The following KSR2 variants were observed in gnomAD, a reference collection of about 807,000 sequenced individuals.
KSR2 encodes kinase suppressor of ras 2.
Under a neutral mutation model 107.8 loss-of-function variants are expected in KSR2, and 25 were observed. That is an observed-to-expected ratio of 0.23 (90% CI 0.17 to 0.32). The LOEUF (loss-of-function observed/expected upper bound fraction) is 0.32, where lower values mean the gene tolerates loss of function less well. KSR2 is among the 10% of genes least tolerant of loss of function. KSR2 has a pLI of 1.00. For missense variants in KSR2, 887 were observed against 1,268.9 expected (o/e 0.70, Z 4.57); for synonymous variants, 480 against 507.0 (o/e 0.95, Z 0.71).
At chr12:117,815,065 G>T (rs187498437) in intron 3 of KSR2, among the ~76,000 whole-genome samples, 2 of 152,230 alleles carry the variant, frequency 1.3e-5, no homozygotes, top group Admixed American at 1.3e-4. Context: ...ACAACAGAAA[G>T]GCTCATTGAA....
At chr12:117,823,683 G>C (rs1891642610) in intron 3 of KSR2, among the ~76,000 whole-genome samples, 1 of 152,208 alleles carries the variant, frequency 6.6e-6, no homozygotes, top group Admixed American at 6.5e-5. Context: ...TGGAAACCAA[G>C]AGAAGATATC....
chr12:117,732,345 A>G (rs948453341), intron 4 of KSR2, among the ~76,000 whole-genome samples: 7 of 151,188 alleles, frequency 4.6e-5, no homozygotes, highest in Non-Finnish European at 8.8e-5. Flanking sequence ...CTGGAGTGCC[A>G]TGGTGCCATC....
intron 3 of KSR2, among the ~76,000 whole-genome samples, chr12:117,799,961 T>C (rs2137016592): frequency 6.6e-6 from 1 of 152,302 alleles, no homozygotes; most frequent in Non-Finnish European, 1.5e-5. Context: ...CTTAGCCCTA[T>C]GAAACGAGGC....
intron 3 of KSR2, among the ~76,000 whole-genome samples, chr12:117,765,744 G>A (rs1176026530): frequency 1.3e-5 from 2 of 152,200 alleles, no homozygotes; most frequent in Non-Finnish European, 2.9e-5. Context: ...GACAAAACAA[G>A]TGTTGGGGGC....
intron 1 of KSR2, among the ~76,000 whole-genome samples, chr12:117,961,936 G>C (rs1896670483): frequency 6.6e-6 from 1 of 152,090 alleles, no homozygotes; most frequent in African/African-American, 2.4e-5. Context: ...CTTGAAGCTA[G>C]GAGTTTAAGA....
intron 1 of KSR2, among the ~76,000 whole-genome samples, chr12:117,911,952 T>G (rs1895030143): frequency 6.6e-6 from 1 of 152,250 alleles, no homozygotes; most frequent in South Asian, 2.1e-4. Flanking sequence ...AGACATCTGA[T>G]GCTATCTCCA....
At chr12:117,481,139 C>T (rs1473715928) in intron 16 of KSR2, among the ~76,000 whole-genome samples, 1 of 152,106 alleles carries the variant, frequency 6.6e-6, no homozygotes, top group Non-Finnish European at 1.5e-5. Flanking sequence ...TCAAAACAGC[C>T]TTATGAGATA....
intron 4 of KSR2, among the ~76,000 whole-genome samples, chr12:117,730,876 T>C (rs1458860829): frequency 6.6e-6 from 1 of 152,156 alleles, no homozygotes; most frequent in Non-Finnish European, 1.5e-5. Flanking sequence ...ACCTCCCAGC[T>C]GCCTGCCTTG....
chr12:117,820,118 T>A (rs1158085674), intron 3 of KSR2, among the ~76,000 whole-genome samples: 1 of 152,186 alleles, frequency 6.6e-6, no homozygotes. Flanking sequence ...CATTTTAATA[T>A]CAAAAAGAGA....
Position 117,901,034 on chromosome 12 carries a change from A to G in KSR2, c.181-40603T>C, listed in dbSNP as rs567809986. Among the ~76,000 whole-genome samples, 15 of 152,296 alleles carry G rather than the reference A, an allele frequency of 9.8e-5. No homozygotes were observed. The East Asian group carries it at 2.9e-3, about 29-fold the overall frequency. On this transcript the variant is annotated intron_variant, in intron 1 of 19. Coordinates refer to ENST00000339824, the MANE Select transcript of KSR2 (RefSeq NM_173598.6). ...AATTTCGGCATCAAGGACTCTTCCA[A>G]AAAAAGTCAGCTTGACATTGGGGAA...
chr12:117,574,499 G>A (rs555128400), intron 7 of KSR2, among the ~76,000 whole-genome samples: 39 of 152,162 alleles, frequency 2.6e-4, no homozygotes, highest in Non-Finnish European at 5.0e-4. Flanking sequence ...CGACAAGAGA[G>A]AATGAAGAAA....
At chr12:117,476,375 C>A in intron 17 of KSR2, 89 bp downstream of exon 17, 2 of 1,456,630 alleles carry the variant, frequency 1.4e-6, no homozygotes, top group Non-Finnish European at 9.1e-7. Flanking sequence ...GACAGGTACA[C>A]CCTGGCCCTT....
intron 5 of KSR2, among the ~76,000 whole-genome samples, chr12:117,586,020 G>A (rs1290260926): frequency 6.6e-6 from 1 of 152,228 alleles, no homozygotes; most frequent in Non-Finnish European, 1.5e-5. Flanking sequence ...TTGCACAGAA[G>A]AGGGAAAAGC....
chr12:117,898,324 C>CT (rs1215932058), intron 1 of KSR2, among the ~76,000 whole-genome samples: 2 of 150,956 alleles, frequency 1.3e-5, no homozygotes, highest in Admixed American at 6.6e-5. Context: ...TGTTTGTCTC[C>CT]TTTTTTTTAA....
At chr12:117,602,208 T>G (rs920281638) in intron 5 of KSR2, among the ~76,000 whole-genome samples, 1 of 152,232 alleles carries the variant, frequency 6.6e-6, no homozygotes. Flanking sequence ...GGCCAGGTTT[T>G]TTTTGTTTTG....
chr12:117,690,840 T>G (rs1479373742), intron 4 of KSR2, among the ~76,000 whole-genome samples: 2 of 152,212 alleles, frequency 1.3e-5, no homozygotes, highest in East Asian at 3.8e-4. Context: ...GGTACTTCAG[T>G]GGCTGAGAAA....
At chr12:117,808,303 C>T (rs897561283) in intron 3 of KSR2, among the ~76,000 whole-genome samples, 1 of 152,170 alleles carries the variant, frequency 6.6e-6, no homozygotes, top group Non-Finnish European at 1.5e-5. Context: ...TTCCAGGTGA[C>T]TCTGATGCAC....
At chr12:117,567,410 G>A (rs555671508) in intron 7 of KSR2, among the ~76,000 whole-genome samples, 3 of 152,202 alleles carry the variant, frequency 2.0e-5, no homozygotes, top group African/African-American at 7.2e-5. Flanking sequence ...GAGATGCGAG[G>A]GGACAGAGGA....
intron 8 of KSR2, among the ~76,000 whole-genome samples, chr12:117,558,123 A>G (rs1000416876): frequency 6.6e-6 from 1 of 152,194 alleles, no homozygotes; most frequent in South Asian, 2.1e-4. Flanking sequence ...AGGCCAATTG[A>G]TTAAATCTAG....
Sources: allele counts gnomAD v4.1 joint callset (sites outside exome capture counted in the v4.1 genomes callset), GRCh38; gene constraint gnomAD v4.1.1; transcripts MANE v1.5; gene names NCBI Gene and HGNC (gene_info 2026-07-23, HGNC 2026-07-21).